The following PRKG1 variants were observed in gnomAD, a reference collection of about 807,000 sequenced individuals.
PRKG1 encodes protein kinase cGMP-dependent 1, also known as cGMP-dependent protein kinase 1.
PRKG1 carries 35 observed loss-of-function variants against 88.1 expected under a neutral mutation model. The observed-to-expected ratio is 0.40, with a 90% CI of 0.30 to 0.53. The LOEUF (loss-of-function observed/expected upper bound fraction) is 0.53. PRKG1 is among the 20% of genes least tolerant of loss of function. The pLI, the probability that PRKG1 is intolerant of heterozygous loss-of-function variation, is 0.59. For missense variants in PRKG1, 540 were observed against 839.8 expected (o/e 0.64, Z 4.41); for synonymous variants, 303 against 292.5 (o/e 1.04, Z -0.37).
At chr10:51,510,799 A>G (rs1291291571) in intron 3 of PRKG1, among the ~76,000 whole-genome samples, 1 of 146,404 alleles carries the variant, frequency 6.8e-6, no homozygotes, top group Admixed American at 7.0e-5. Context: ...GCTGGAGTGC[A>G]GTGGTGCAAT....
At chr10:51,692,791 C>T (rs117527524) in intron 3 of PRKG1, among the ~76,000 whole-genome samples, 30 of 152,202 alleles carry the variant, frequency 2.0e-4, no homozygotes, top group Middle Eastern at 3.4e-3. Context: ...TTTAAATGAC[C>T]AACCTTTGTA....
intron 7 of PRKG1, among the ~76,000 whole-genome samples, chr10:52,065,019 G>T (rs1011884645): frequency 2.6e-5 from 4 of 152,332 alleles, no homozygotes; most frequent in Non-Finnish European, 5.9e-5. Context: ...TAGACTAGTA[G>T]AGGTGTACTT....
chr10:51,788,465 TAGAG>T (rs967726711), intron 3 of PRKG1, among the ~76,000 whole-genome samples: 1 of 152,182 alleles, frequency 6.6e-6, no homozygotes, highest in Non-Finnish European at 1.5e-5. Context: ...AGAAGGCTGT[TAGAG>T]AGCTCCTTTT....
At chr10:51,255,373 C>T (rs1839530506) in intron 2 of PRKG1, among the ~76,000 whole-genome samples, 1 of 152,056 alleles carries the variant, frequency 6.6e-6, no homozygotes, top group Non-Finnish European at 1.5e-5. Context: ...TTGTGTAGTC[C>T]AGGCTCTCTC....
At chr10:51,205,059 T>G (rs1384577690) in intron 2 of PRKG1, among the ~76,000 whole-genome samples, 1 of 150,944 alleles carries the variant, frequency 6.6e-6, no homozygotes, top group Non-Finnish European at 1.5e-5. Flanking sequence ...CCTCAAAATA[T>G]AGCTCAGATA....
At chr10:51,756,552 A>G (rs12266657) in intron 3 of PRKG1, among the ~76,000 whole-genome samples, 11,063 of 151,284 alleles carry the variant, frequency 0.073, 452 homozygotes, top group East Asian at 0.091. Flanking sequence ...ACGGTGGCTC[A>G]TGCCTGTAAT....
chr10:51,768,149 G>T (rs779240796), intron 3 of PRKG1, among the ~76,000 whole-genome samples: 5 of 152,100 alleles, frequency 3.3e-5, no homozygotes, highest in Admixed American at 6.6e-5. Flanking sequence ...ATGAAATGCA[G>T]ATTTTTGCTG....
intron 7 of PRKG1, among the ~76,000 whole-genome samples, chr10:52,109,670 G>A (rs948183744): frequency 6.6e-6 from 1 of 152,006 alleles, no homozygotes; most frequent in Non-Finnish European, 1.5e-5. Flanking sequence ...AGGAGGCTGA[G>A]GCAGGAGAAT....
chr10:51,989,209 G>C (rs868021541), intron 5 of PRKG1, among the ~76,000 whole-genome samples: 19 of 152,112 alleles, frequency 1.2e-4, no homozygotes, highest in African/African-American at 4.1e-4. Context: ...TTATCGGATG[G>C]GTGGAAGAGG....
intron 12 of PRKG1, among the ~76,000 whole-genome samples, chr10:52,279,439 T>G (rs1254329465): frequency 6.6e-6 from 1 of 152,164 alleles, no homozygotes; most frequent in Non-Finnish European, 1.5e-5. Context: ...TAATTATGTT[T>G]CAGAAGAATG....
intron 2 of PRKG1, among the ~76,000 whole-genome samples, chr10:51,192,471 A>G (rs1167734506): frequency 1.3e-5 from 2 of 152,022 alleles, no homozygotes; most frequent in Non-Finnish European, 2.9e-5. Context: ...ACAGAAAAAA[A>G]TGTAGTCTGG....
intron 2 of PRKG1, among the ~76,000 whole-genome samples, chr10:51,463,541 G>A (rs1839800490): frequency 6.6e-6 from 1 of 152,184 alleles, no homozygotes; most frequent in Admixed American, 6.5e-5. Flanking sequence ...TAAAGGAATG[G>A]CCTCATGACT....
At chr10:52,194,360 C>A (rs1839451353) in intron 9 of PRKG1, among the ~76,000 whole-genome samples, 1 of 152,106 alleles carries the variant, frequency 6.6e-6, no homozygotes, top group South Asian at 2.1e-4. Flanking sequence ...CCATTTTATT[C>A]TTTCTCCACA....
intron 1 of PRKG1, among the ~76,000 whole-genome samples, chr10:51,001,896 A>G (rs1398449027): frequency 6.6e-6 from 1 of 152,246 alleles, no homozygotes; most frequent in African/African-American, 2.4e-5. Flanking sequence ...TCAAATATAT[A>G]ACTTTCTCAA....
At chr10:51,750,940 T>C (rs923679268) in intron 3 of PRKG1, among the ~76,000 whole-genome samples, 12 of 151,912 alleles carry the variant, frequency 7.9e-5, no homozygotes, top group African/African-American at 2.9e-4. Flanking sequence ...AATGATGACA[T>C]ATTTGAGGTC....
chr10:51,278,869 G>A (rs141329565), intron 2 of PRKG1, among the ~76,000 whole-genome samples: 9,644 of 151,918 alleles, frequency 0.063, 1,005 homozygotes, highest in African/African-American at 0.22. Context: ...TATTGCTAGC[G>A]GTCAATCAAT....
At chr10:51,874,001 T>C (rs1589378284) in intron 4 of PRKG1, among the ~76,000 whole-genome samples, 1 of 152,352 alleles carries the variant, frequency 6.6e-6, no homozygotes, top group East Asian at 1.9e-4. Context: ...TCTACTTTCA[T>C]TGTACCTTAA....
intron 3 of PRKG1, among the ~76,000 whole-genome samples, chr10:51,523,888 G>A (rs1014014097): frequency 2.6e-5 from 4 of 152,120 alleles, no homozygotes; most frequent in Non-Finnish European, 4.4e-5. Context: ...ATATGGTTTG[G>A]ATCTATATGC....
In PRKG1 at chr10:51,205,127, CTTTTTT is replaced by C. The variant is rs58176913; in HGVS notation, c.478+51822_478+51827del. Among the ~76,000 whole-genome samples, 132 of 64,016 alleles carry C rather than the reference CTTTTTT, an allele frequency of 2.1e-3. 12 individuals carry two copies. Among genetic ancestry groups the C allele is most frequent in the African/African-American group, 4.9e-3 (84 of 17,274 alleles). The allele number at this position is 64,016 out of a possible 152,430, so 42.0% of individuals were successfully genotyped here. On this transcript the variant is annotated intron_variant, in intron 2 of 17. Transcript: ENST00000373980. ...TAAGGAAGAATTTTCATTTTCTTTTCTTTTTTTTTTTTTTTTTTTTTTTTTTTTTTG... is the reference window on the plus strand; with the variant it reads ...TAAGGAAGAATTTTCATTTTCTTTTCTTTTTTTTTTTTTTTTTTTTTTTTG...
Sources: gnomAD v4.1 joint callset for allele counts (sites outside exome capture counted in the v4.1 genomes callset) on GRCh38, gnomAD v4.1.1 for gene constraint, MANE v1.5 for transcripts, NCBI Gene and HGNC (gene_info 2026-07-23, HGNC 2026-07-21) for gene names.